OR51E1: variants seen among roughly 807,000 people sequenced by gnomAD.
OR51E1 encodes the protein olfactory receptor family 51 subfamily E member 1.
A neutral mutation model predicts 11.5 loss-of-function variants in OR51E1; 9 were observed. That is an observed-to-expected ratio of 0.78 (90% confidence interval 0.47 to 1.37). The LOEUF is 1.37. Among genes scored for constraint, OR51E1 ranks in the 40% most tolerant of loss-of-function variants. The pLI is 0.00. For synonymous variants in OR51E1, 168 were observed against 158.3 expected (o/e 1.06, Z -0.46); for missense variants, 397 against 410.2 (o/e 0.97, Z 0.28).
chr11:4,650,273 G>A (rs922379404), intron 1 of OR51E1, among the ~76,000 whole-genome samples: 6 of 152,130 alleles, frequency 3.9e-5, no homozygotes, highest in Non-Finnish European at 5.9e-5. Flanking sequence ...ATTTTGGAGA[G>A]GAGAGTGAAG....
intron 1 of OR51E1, among the ~76,000 whole-genome samples, chr11:4,650,720 C>T (rs920834791): frequency 2.0e-5 from 3 of 152,094 alleles, no homozygotes; most frequent in Non-Finnish European, 4.4e-5. Context: ...TCCCAGCTCT[C>T]AAACATTCAA....
Position 4,653,392 on chromosome 11 carries a change from T to A in OR51E1, c.866T>A (p.Leu289His), listed in dbSNP as rs745445137. 6.2e-7 allele frequency: 1 copy of A among 1,614,188 alleles called. No individual in the cohort carries two copies. The stretch of plus-strand genomic sequence containing the variant: ...ATCTATCTGCTGGTTCCTCCTGTGC[T>A]CAACCCAATTGTCTATGGAGTGAAG... ...ANIYLLVPPV[L>H]NPIVYGVKTK... The change falls in exon 2 of 2, where the codon CTC becomes CAC. Residue 289 changes from leucine (L) to histidine (H), a missense_variant. Transcript: ENST00000396952.
chr11:4,646,296 A>G (rs1847029911), intron 1 of OR51E1, among the ~76,000 whole-genome samples: 1 of 152,166 alleles, frequency 6.6e-6, no homozygotes, highest in African/African-American at 2.4e-5. Flanking sequence ...CTCCTTCCAC[A>G]CTGAACCTAA....
intron 1 of OR51E1, among the ~76,000 whole-genome samples, chr11:4,651,803 T>C (rs1193885363): frequency 1.3e-5 from 2 of 152,206 alleles, no homozygotes; most frequent in African/African-American, 2.4e-5. Context: ...AAGAAGGTAA[T>C]GTAGAGTTAG....
chr11:4,644,629 C>A (rs141773420), intron 1 of OR51E1, among the ~76,000 whole-genome samples: 1 of 152,156 alleles, frequency 6.6e-6, no homozygotes, highest in Non-Finnish European at 1.5e-5. Flanking sequence ...AGTGTCCACA[C>A]GGCAACACCC....
chr11:4,651,185 A>G (rs978813359), intron 1 of OR51E1, among the ~76,000 whole-genome samples: 1 of 152,198 alleles, frequency 6.6e-6, no homozygotes, highest in Non-Finnish European at 1.5e-5. Context: ...ATTCTGCTAT[A>G]GGATTGATTA....
At chr11:4,649,778 C>T (rs558059519) in intron 1 of OR51E1, among the ~76,000 whole-genome samples, 4 of 152,100 alleles carry the variant, frequency 2.6e-5, no homozygotes, top group Non-Finnish European at 5.9e-5. Flanking sequence ...TGGTTAACAG[C>T]AACAGATATT....
Position 4,652,510 on chromosome 11 carries a change from C to G in OR51E1, c.-17C>G. On this transcript the variant is annotated 5_prime_UTR_variant, in exon 2 of 2. Transcript: ENST00000396952. ...CAGCCTCTACCTGCCTGGTGCTGGT[C>G]ACAGTTCAGCTTCTTCATGATGGTG... is the stretch of plus-strand genomic sequence containing the variant. 1 of 1,570,630 alleles carries G rather than the reference C, an allele frequency of 6.4e-7. No homozygotes were observed. The highest frequency in any genetic ancestry group is 2.2e-5 in the East Asian group (1 of 44,642).
chr11:4,645,993 T>C (rs1214249762), intron 1 of OR51E1, among the ~76,000 whole-genome samples: 2 of 152,168 alleles, frequency 1.3e-5, no homozygotes, highest in Admixed American at 6.5e-5. Flanking sequence ...ATGCTGGGGC[T>C]ACTACCCTCA....
intron 1 of OR51E1, among the ~76,000 whole-genome samples, chr11:4,648,776 A>G (rs1358981611): frequency 2.0e-5 from 3 of 152,172 alleles, no homozygotes; most frequent in Non-Finnish European, 4.4e-5. Flanking sequence ...TCTTAGGTCT[A>G]TCCTGCTCTT....
In OR51E1 at chr11:4,653,412, G is replaced by T; in HGVS notation, c.886G>T (p.Val296Leu). ...PPVLNPIVYG[V>L]KTKEIRQRIL... ...TGTGCTCAACCCAATTGTCTATGGAGTGAAGACAAAGGAGATTCGACAGCG... is the reference window on the plus strand; with the variant it reads ...TGTGCTCAACCCAATTGTCTATGGATTGAAGACAAAGGAGATTCGACAGCG... The change falls in exon 2 of 2, where the codon GTG becomes TTG. Residue 296 changes from valine (V) to leucine (L), a missense_variant. Val to Leu is a conservative substitution (Grantham distance 32, BLOSUM62 1). Coordinates refer to ENST00000396952, the MANE Select transcript of OR51E1 (RefSeq NM_152430.4). 6.2e-7 allele frequency: 1 copy of T among 1,614,128 alleles called. No homozygotes were observed. The highest frequency in any genetic ancestry group is 8.5e-7 in the Non-Finnish European group (1 of 1,179,974).
At chr11:4,652,156 G>C (rs1847105993) in intron 1 of OR51E1, among the ~76,000 whole-genome samples, 2 of 152,150 alleles carry the variant, frequency 1.3e-5, no homozygotes, top group African/African-American at 2.4e-5. Context: ...GAAATGGTGA[G>C]ATATTTTTAT....
chr11:4,647,565 A>G (rs1215068346), intron 1 of OR51E1, among the ~76,000 whole-genome samples: 1 of 152,032 alleles, frequency 6.6e-6, no homozygotes, highest in African/African-American at 2.4e-5. Flanking sequence ...GTTCTAGGGA[A>G]GAATGTGAGG....
In OR51E1 at chr11:4,653,159, C is replaced by G. The variant is rs1470972587; in HGVS notation, c.633C>G (p.Gly211=). ...TTATCGTCATCATCTCCGCCATTGG[C>G]CTGGACTCACTTCTCATCTCCTTCT... ...YGLIVIISAI[G]LDSLLISFSY... The change falls in exon 2 of 2, where the codon GGC becomes GGG. Residue 211 remains glycine, a synonymous_variant. Coordinates refer to ENST00000396952, the MANE Select transcript of OR51E1 (RefSeq NM_152430.4). 1 of 1,613,996 alleles carries G rather than the reference C, an allele frequency of 6.2e-7. No individual in the cohort carries two copies. The highest frequency in any genetic ancestry group is 1.1e-5 in the South Asian group (1 of 91,074).
At chr11:4,644,526 A>G (rs775013558) in intron 1 of OR51E1, among the ~76,000 whole-genome samples, 64 of 151,978 alleles carry the variant, frequency 4.2e-4, no homozygotes, top group African/African-American at 1.5e-3. Context: ...TGTGGCTGAG[A>G]CTGGGACTTA....
Position 4,653,106 on chromosome 11 carries a change from G to A in OR51E1, c.580G>A (p.Asp194Asn), listed in dbSNP as rs147018817. 4.5e-4 allele frequency: 730 copies of A among 1,613,796 alleles called. No individual in the cohort carries two copies. Among genetic ancestry groups the A allele is most frequent in the Non-Finnish European group, 5.4e-4 (639 of 1,179,850 alleles). Residue 194 changes from aspartate (D) to asparagine (N), a missense_variant, in exon 2 of 2, where the codon GAT (aspartate) becomes AAT (asparagine). Physicochemically the swap from Asp to Asn is conservative, Grantham distance 23 (BLOSUM62 1). Transcript: ENST00000396952. ...AGATGTCATGAAGCTGGCCTGTGAT[G>A]ATATCCGGGTCAATGTCGTCTATGG... The part of the protein sequence containing the change: ...HQDVMKLACD[D>N]IRVNVVYGLI...
intron 1 of OR51E1, among the ~76,000 whole-genome samples, chr11:4,650,998 C>A (rs1433912072): frequency 6.7e-6 from 1 of 149,714 alleles, no homozygotes; most frequent in African/African-American, 2.4e-5. Flanking sequence ...AAGATAAGGG[C>A]TACCCTATAG....
At chr11:4,652,125 T>A (rs943165470) in intron 1 of OR51E1, among the ~76,000 whole-genome samples, 1 of 152,168 alleles carries the variant, frequency 6.6e-6, no homozygotes, top group East Asian at 1.9e-4. Flanking sequence ...TAGGGAAGCA[T>A]AAAGGTAAGC....
chr11:4,652,523 C>A lies in OR51E1; in HGVS notation c.-4C>A. On this transcript the variant is annotated 5_prime_UTR_variant, in exon 2 of 2. Transcript: ENST00000396952. ...CCTGGTGCTGGTCACAGTTCAGCTT[C>A]TTCATGATGGTGGATCCCAATGGCA... 3 of 1,603,722 alleles carry A rather than the reference C, an allele frequency of 1.9e-6. No individual in the cohort carries two copies. The highest frequency in any genetic ancestry group is 2.6e-6 in the Non-Finnish European group (3 of 1,171,808).
Sources: allele counts gnomAD v4.1 joint callset (sites outside exome capture counted in the v4.1 genomes callset), GRCh38; gene constraint gnomAD v4.1.1; transcripts MANE v1.5; gene names NCBI Gene and HGNC (gene_info 2026-07-23, HGNC 2026-07-21).